FSTL4: variants seen among roughly 807,000 people sequenced by gnomAD.
The protein encoded by FSTL4 is follistatin-related protein 4.
A neutral mutation model predicts 78.2 loss-of-function variants in FSTL4; 28 were observed. That is an observed-to-expected ratio of 0.36 (90% CI 0.27 to 0.49). FSTL4 has a LOEUF of 0.49. Among genes scored for constraint, FSTL4 ranks in the 20% least tolerant of loss-of-function variants. FSTL4 has a pLI of 0.98. For synonymous variants in FSTL4, 422 were observed against 440.5 expected (o/e 0.96, Z 0.53); for missense variants, 922 against 1,084.9 (o/e 0.85, Z 2.11).
At chr5:133,537,845 G>A (rs1415399603) in intron 3 of FSTL4, among the ~76,000 whole-genome samples, 2 of 151,154 alleles carry the variant, frequency 1.3e-5, no homozygotes, top group African/African-American at 4.9e-5. Context: ...TAGTGTGTGT[G>A]TATCTATATG....
At position 133,317,849 on chromosome 5, in the gene FSTL4, C is replaced by T. The variant is rs538094059; in HGVS notation, c.410-1197G>A. ...CCAGTAAGGGCTCATAACATGATAG[C>T]TACTCTCTCCCTTGACATTATGGGA... On this transcript the variant is annotated intron_variant, in intron 4 of 15. Transcript: ENST00000265342. Among the ~76,000 whole-genome samples, 7 of 152,328 alleles carry T rather than the reference C, an allele frequency of 4.6e-5. No individual in the cohort carries two copies. The East Asian group carries it at 1.4e-3, about 29-fold the overall frequency.
At chr5:133,514,492 G>T (rs1175837838) in intron 3 of FSTL4, among the ~76,000 whole-genome samples, 5 of 152,194 alleles carry the variant, frequency 3.3e-5, no homozygotes, top group African/African-American at 1.2e-4. Flanking sequence ...GTCCCAGAGT[G>T]CAGAGAAGAA....
the FSTL4 span, among the ~76,000 whole-genome samples, chr5:133,677,884 C>T: frequency 3.9e-5 from 6 of 152,254 alleles, no homozygotes; most frequent in South Asian, 1.2e-3. Flanking sequence ...AATAAACAAG[C>T]CAATAAGGTT....
chr5:133,603,470 T>G (rs1213607041), intron 2 of FSTL4, among the ~76,000 whole-genome samples: 2 of 152,250 alleles, frequency 1.3e-5, no homozygotes, highest in Admixed American at 1.3e-4. Context: ...AGTCCATTTC[T>G]TTTCAAATAT....
intron 4 of FSTL4, among the ~76,000 whole-genome samples, chr5:133,346,408 A>G (rs1754698820): frequency 1.3e-5 from 2 of 152,340 alleles, no homozygotes; most frequent in South Asian, 4.1e-4. Context: ...TTAAAGTATA[A>G]TAAATAAATA....
At chr5:133,576,434 G>T (rs1193751867) in intron 2 of FSTL4, among the ~76,000 whole-genome samples, 3 of 152,206 alleles carry the variant, frequency 2.0e-5, no homozygotes, top group Non-Finnish European at 2.9e-5. Context: ...GGGATCAAAA[G>T]CAACCACACT....
At chr5:133,777,655 C>T in the FSTL4 span, among the ~76,000 whole-genome samples, 4 of 152,128 alleles carry the variant, frequency 2.6e-5, no homozygotes, top group Non-Finnish European at 4.4e-5. Context: ...ATAAGTGGAA[C>T]ATTACACAAA....
chr5:133,264,380 C>T (rs1752599351), intron 6 of FSTL4, among the ~76,000 whole-genome samples: 1 of 152,142 alleles, frequency 6.6e-6, no homozygotes, highest in South Asian at 2.1e-4. Flanking sequence ...CTAACTCACC[C>T]GTGTCTTGGT....
At chr5:133,292,592 T>C (rs1202710945) in intron 6 of FSTL4, among the ~76,000 whole-genome samples, 3 of 151,622 alleles carry the variant, frequency 2.0e-5, no homozygotes, top group African/African-American at 7.3e-5. Flanking sequence ...AGCAAACTCA[T>C]CATTTGAGAC....
At chr5:133,372,625 C>T (rs936635803) in intron 4 of FSTL4, among the ~76,000 whole-genome samples, 2 of 152,156 alleles carry the variant, frequency 1.3e-5, no homozygotes, top group Non-Finnish European at 2.9e-5. Flanking sequence ...AAAACCAGCC[C>T]GATGAAAGAG....
chr5:133,508,967 T>C (rs1758669601), intron 3 of FSTL4, among the ~76,000 whole-genome samples: 1 of 152,154 alleles, frequency 6.6e-6, no homozygotes, highest in Non-Finnish European at 1.5e-5. Context: ...CTTGTAATCC[T>C]TCCTTGTTTC....
At chr5:133,341,666 C>T (rs1225483593) in intron 4 of FSTL4, among the ~76,000 whole-genome samples, 4 of 152,168 alleles carry the variant, frequency 2.6e-5, no homozygotes, top group Non-Finnish European at 1.5e-5. Context: ...TCTCTCCAGC[C>T]CCCGCTCTCT....
At chr5:133,215,066 T>G (rs1298198898) in intron 13 of FSTL4, among the ~76,000 whole-genome samples, 3 of 152,214 alleles carry the variant, frequency 2.0e-5, no homozygotes, top group Non-Finnish European at 4.4e-5. Flanking sequence ...GCCAAGGTGA[T>G]CCATGACTCT....
At chr5:133,599,268 T>C (rs919898787) in intron 2 of FSTL4, among the ~76,000 whole-genome samples, 7 of 152,190 alleles carry the variant, frequency 4.6e-5, no homozygotes, top group African/African-American at 7.2e-5. Flanking sequence ...AATTTGAGGT[T>C]GCCATGCCTC....
chr5:133,239,819 C>T (rs1472937149), intron 7 of FSTL4, among the ~76,000 whole-genome samples: 2 of 152,148 alleles, frequency 1.3e-5, no homozygotes, highest in Non-Finnish European at 2.9e-5. Context: ...CCGTGGAGAA[C>T]TTTTGTGTCT....
intron 4 of FSTL4, among the ~76,000 whole-genome samples, chr5:133,345,518 A>C (rs1427987619): frequency 6.6e-6 from 1 of 152,164 alleles, no homozygotes; most frequent in Admixed American, 6.5e-5. Context: ...CGTGAATGGT[A>C]TTGCCTAGGT....
the FSTL4 span, among the ~76,000 whole-genome samples, chr5:133,796,011 C>G: frequency 0.087 from 13,178 of 152,282 alleles, 635 homozygotes; most frequent in East Asian, 0.17. Context: ...CCTCTTTTCT[C>G]CCCTGGTCAC....
chr5:133,387,955 T>C (rs530785380), intron 4 of FSTL4: 1 of 152,366 alleles, frequency 6.6e-6, no homozygotes, highest in African/African-American at 2.4e-5. Flanking sequence ...TGGACACTTG[T>C]CTGGGGCTGC....
the FSTL4 span, among the ~76,000 whole-genome samples, chr5:133,780,941 G>A: frequency 5.9e-5 from 9 of 152,190 alleles, no homozygotes; most frequent in Non-Finnish European, 1.2e-4. Flanking sequence ...ACTCAGAGAG[G>A]TTCCATGACT....
Sources: gnomAD v4.1 joint callset for allele counts (sites outside exome capture counted in the v4.1 genomes callset) on GRCh38, gnomAD v4.1.1 for gene constraint, MANE v1.5 for transcripts, NCBI Gene and HGNC (gene_info 2026-07-23, HGNC 2026-07-21) for gene names.